Variants in ATP8B4 observed in about 807,000 individuals in gnomAD.
ATP8B4 encodes probable phospholipid-transporting ATPase IM.
ATP8B4 carries 133 observed loss-of-function variants against 145.6 expected under a neutral mutation model. That is an observed-to-expected ratio of 0.91 (90% confidence interval 0.79 to 1.05). ATP8B4 has a LOEUF of 1.05. ATP8B4 is among the 50% of genes least tolerant of loss of function. ATP8B4 has a pLI of 0.00. For missense variants in ATP8B4, 1,458 were observed against 1,425.2 expected, an observed-to-expected ratio of 1.02 and a Z score of -0.37; for synonymous variants, 507 against 492.9, an observed-to-expected ratio of 1.03 and a Z score of -0.38.
At chr15:49,979,583 A>G (rs760952334) in intron 12 of ATP8B4, 34 bp downstream of exon 12, 35 of 1,377,782 alleles carry the variant, frequency 2.5e-5, no homozygotes, top group Non-Finnish European at 3.3e-5. Flanking sequence ...GTTTTGATGA[A>G]ATTATTTCAT....
At chr15:50,079,453 G>A (rs1409648887) in intron 2 of ATP8B4, among the ~76,000 whole-genome samples, 1 of 152,154 alleles carries the variant, frequency 6.6e-6, no homozygotes, top group Non-Finnish European at 1.5e-5. Context: ...ATTTTACAAA[G>A]TCTGTGAGGT....
intron 7 of ATP8B4, among the ~76,000 whole-genome samples, chr15:50,006,676 T>C (rs1330823252): frequency 1.3e-5 from 2 of 152,126 alleles, no homozygotes; most frequent in African/African-American, 4.8e-5. Context: ...AATTCCTCTA[T>C]CAGAAGAATG....
chr15:49,871,266 A>C (rs1462997777), intron 25 of ATP8B4, among the ~76,000 whole-genome samples: 1 of 152,234 alleles, frequency 6.6e-6, no homozygotes, highest in African/African-American at 2.4e-5. Flanking sequence ...ATGGCACAGT[A>C]TCCAGTGTTT....
At chr15:49,980,037 C>T (rs773456849) in intron 11 of ATP8B4, among the ~76,000 whole-genome samples, 1 of 152,152 alleles carries the variant, frequency 6.6e-6, no homozygotes, top group Non-Finnish European at 1.5e-5. Context: ...TGGGAACAGT[C>T]ATTATCCCCA....
Position 49,866,326 on chromosome 15 carries a change from A to G in ATP8B4, c.3166+20T>C, listed in dbSNP as rs200128365. The G allele has an allele frequency of 9.9e-6, 16 of 1,612,212 alleles. No individual in the cohort carries two copies. In the East Asian group the frequency reaches 3.1e-4, roughly 31 times the overall value. On this transcript the variant is annotated intron_variant, in intron 26 of 27. Transcript: ENST00000284509. ...ACAGCAGCAGACACTAGGTTCCACT[A>G]GTCAACATGACTCACTTACCAACAA...
intron 3 of ATP8B4, among the ~76,000 whole-genome samples, chr15:50,053,970 C>T (rs2052386159): frequency 6.6e-6 from 1 of 152,058 alleles, no homozygotes; most frequent in African/African-American, 2.4e-5. Context: ...CAAAATGGAA[C>T]TAATAACATT....
At chr15:49,907,123 C>T (rs1566965171) in intron 20 of ATP8B4, among the ~76,000 whole-genome samples, 1 of 152,166 alleles carries the variant, frequency 6.6e-6, no homozygotes, top group Non-Finnish European at 1.5e-5. Context: ...AGAGACCAGA[C>T]AGGAACACAG....
At chr15:49,860,939 A>G (rs559892890) in intron 27 of ATP8B4, among the ~76,000 whole-genome samples, 4 of 152,148 alleles carry the variant, frequency 2.6e-5, no homozygotes, top group Admixed American at 6.5e-5. Context: ...TGGTAGCTCA[A>G]CGTATCATGA....
At chr15:49,919,632 T>C (rs531804251) in intron 18 of ATP8B4, among the ~76,000 whole-genome samples, 4 of 152,196 alleles carry the variant, frequency 2.6e-5, no homozygotes, top group Admixed American at 1.3e-4. Flanking sequence ...CTAGCCAGGA[T>C]GGTCTCCATC....
At chr15:49,885,735 CACCCCAGCATCCAA>C (rs1489299420) in intron 23 of ATP8B4, 3 of 49,874 alleles carry the variant, frequency 6.0e-5, no homozygotes, top group Non-Finnish European at 1.2e-4. Flanking sequence ...CCATCACATC[CACCCCAGCATCCAA>C]ATCAGAAATC....
chr15:49,928,001 G>C (rs1343375439), intron 16 of ATP8B4, among the ~76,000 whole-genome samples: 4 of 152,134 alleles, frequency 2.6e-5, no homozygotes, highest in African/African-American at 9.7e-5. Context: ...TAAATAGTAA[G>C]AAATTGATTA....
At chr15:49,889,435 C>T (rs768362722) in intron 23 of ATP8B4, among the ~76,000 whole-genome samples, 3 of 152,214 alleles carry the variant, frequency 2.0e-5, no homozygotes, top group South Asian at 4.1e-4. Flanking sequence ...GTCTGGTCCG[C>T]GGGTTCTTTT....
At chr15:50,068,587 A>C (rs1335977987) in intron 3 of ATP8B4, among the ~76,000 whole-genome samples, 1 of 152,218 alleles carries the variant, frequency 6.6e-6, no homozygotes, top group Non-Finnish European at 1.5e-5. Context: ...CAGGAAAAAA[A>C]TCCTTTAAAA....
chr15:50,027,379 G>GTGGGTGGATGGATGGATGGATGGATGGA lies in ATP8B4; in HGVS notation c.362+11388_362+11389insTCCATCCATCCATCCATCCATCCACCCA, dbSNP rs139338084. ...TGTTATTTAAATATGGGATGGATGG[G>GTGGGTGGATGGATGGATGGATGGATGGA]TGGATGGATGGATGGATGGATGGAT... is the stretch of plus-strand genomic sequence containing the variant. On this transcript the variant is annotated intron_variant, in intron 6 of 27. Coordinates refer to ENST00000284509, the MANE Select transcript of ATP8B4 (RefSeq NM_024837.4). 1.6e-4 allele frequency among the ~76,000 whole-genome samples: 24 copies of GTGGGTGGATGGATGGATGGATGGATGGA among 149,028 alleles called. No individual in the cohort carries two copies. In the Middle Eastern group the frequency reaches 0.014, roughly 84 times the overall value.
At chr15:50,169,216 C>T (rs577070343) in intron 1 of ATP8B4, among the ~76,000 whole-genome samples, 28 of 152,248 alleles carry the variant, frequency 1.8e-4, no homozygotes, top group Non-Finnish European at 2.4e-4. Context: ...CCTGGCAAAA[C>T]GCCAACCAGC....
intron 1 of ATP8B4, among the ~76,000 whole-genome samples, chr15:50,154,885 AGGCT>A: frequency 6.6e-6 from 1 of 152,306 alleles, no homozygotes; most frequent in South Asian, 2.1e-4. Context: ...CATGTTGGCC[AGGCT>A]GGACAGCAAT....
chr15:50,067,003 C>T (rs894059783), intron 3 of ATP8B4, among the ~76,000 whole-genome samples: 1 of 152,088 alleles, frequency 6.6e-6, no homozygotes, highest in Non-Finnish European at 1.5e-5. Flanking sequence ...ACTGTCCTCT[C>T]TTCGTTCACT....
chr15:50,122,159 T>G (rs1182431067), upstream of ATP8B4, among the ~76,000 whole-genome samples: 1 of 152,200 alleles, frequency 6.6e-6, no homozygotes, highest in African/African-American at 2.4e-5. Flanking sequence ...ATTATGGTTT[T>G]AGATAAACAG....
chr15:49,879,564 T>C, intron 23 of ATP8B4, 105 bp from the exon 24 acceptor site: 1 of 943,908 alleles, frequency 1.1e-6, no homozygotes, highest in Non-Finnish European at 1.6e-6. Flanking sequence ...GGGAGTTGAC[T>C]TTTGGAATCA....
Sources: allele counts gnomAD v4.1 joint callset (sites outside exome capture counted in the v4.1 genomes callset), GRCh38; gene constraint gnomAD v4.1.1; transcripts MANE v1.5; gene names NCBI Gene and HGNC (gene_info 2026-07-23, HGNC 2026-07-21).